PRDM16: variants seen among roughly 807,000 people sequenced by gnomAD.
PRDM16 encodes PR/SET domain 16, also known as histone-lysine N-methyltransferase PRDM16.
In PRDM16, 23 loss-of-function variants were observed where a neutral mutation model predicts 110.6. That is an observed-to-expected ratio of 0.21 (90% confidence interval 0.15 to 0.29). The LOEUF is 0.29. PRDM16 is among the 10% of genes least tolerant of loss of function. PRDM16 has a pLI of 1.00. For synonymous variants in PRDM16, 799 were observed against 781.8 expected (o/e 1.02, Z -0.37); for missense variants, 1,615 against 1,794.3 (o/e 0.90, Z 1.81).
intron 3 of PRDM16, among the ~76,000 whole-genome samples, chr1:3,253,449 A>T (rs1172044168): frequency 1.4e-5 from 2 of 147,960 alleles, no homozygotes; most frequent in Admixed American, 1.4e-4. Context: ...ATGAGTGAGA[A>T]CATGTGGTGT....
chr1:3,111,521 A>AGG (rs1642794187), intron 1 of PRDM16, among the ~76,000 whole-genome samples: 1 of 35,216 alleles, frequency 2.8e-5, no homozygotes, highest in African/African-American at 9.6e-5. Flanking sequence ...GAAGGAGGGG[A>AGG]AGGGGAGAGC....
intron 1 of PRDM16, among the ~76,000 whole-genome samples, chr1:3,085,647 C>T (rs546330007): frequency 3.3e-5 from 5 of 152,312 alleles, no homozygotes; most frequent in African/African-American, 9.6e-5. Context: ...TCATCAAGAA[C>T]GGGTGGTCCC....
intron 3 of PRDM16, among the ~76,000 whole-genome samples, chr1:3,374,898 C>T (rs1422768134): frequency 6.6e-6 from 1 of 152,172 alleles, no homozygotes; most frequent in Non-Finnish European, 1.5e-5. Flanking sequence ...AGCAGGCACC[C>T]AAGCCACCAG....
At chr1:3,420,997 A>C (rs977100293) in intron 12 of PRDM16, among the ~76,000 whole-genome samples, 4 of 152,104 alleles carry the variant, frequency 2.6e-5, no homozygotes, top group African/African-American at 9.7e-5. Flanking sequence ...GTGTGCTTCC[A>C]TCATCTCCCC....
rs1324442406 is a variant in PRDM16, at chr1:3,358,389, TG to T, written c.439-26759del. On this transcript the variant is annotated intron_variant, in intron 3 of 16. Transcript: ENST00000270722. This position sits in a 1 kb window ranked among gnomAD's most constrained non-coding sequence, Gnocchi z 4.0. ...AGACCTGGGCAGTGGGTGGCAGCCA[TG>T]GGGACTGATGGCAAAAGACCTCGGC... Among the ~76,000 whole-genome samples the T allele has an allele frequency of 6.6e-6, 1 of 152,146 alleles. No individual in the cohort carries two copies.
intron 1 of PRDM16, among the ~76,000 whole-genome samples, chr1:3,074,417 G>A (rs1290828925): frequency 6.6e-6 from 1 of 152,136 alleles, no homozygotes; most frequent in Non-Finnish European, 1.5e-5. Flanking sequence ...TTTTCTGTGT[G>A]TGTGTGTGTG....
chr1:3,261,933 C>T (rs1453413401), intron 3 of PRDM16, among the ~76,000 whole-genome samples: 7 of 152,216 alleles, frequency 4.6e-5, no homozygotes, highest in African/African-American at 1.4e-4. Context: ...GAGCTGTCAT[C>T]CTACCCCCCA....
intron 1 of PRDM16, among the ~76,000 whole-genome samples, chr1:3,150,467 A>G (rs896803762): frequency 6.6e-5 from 10 of 151,714 alleles, no homozygotes; most frequent in Non-Finnish European, 1.0e-4. Context: ...GTAAGGTGGG[A>G]GAATCACTCG....
chr1:3,100,731 T>C (rs567793007), intron 1 of PRDM16, among the ~76,000 whole-genome samples: 8 of 151,994 alleles, frequency 5.3e-5, no homozygotes, highest in Non-Finnish European at 1.2e-4. Flanking sequence ...ACACACGCCC[T>C]ATAGGGCTGG....
At chr1:3,228,008 C>T (rs1401286226) in intron 2 of PRDM16, among the ~76,000 whole-genome samples, 1 of 152,248 alleles carries the variant, frequency 6.6e-6, no homozygotes, top group African/African-American at 2.4e-5. Context: ...TTCACAGTCA[C>T]ATCCAAGTAA....
intron 2 of PRDM16, among the ~76,000 whole-genome samples, chr1:3,226,213 A>T (rs541096679): frequency 1.5e-4 from 23 of 152,348 alleles, no homozygotes; most frequent in Non-Finnish European, 3.2e-4. Context: ...GGCTGCTCAG[A>T]TTCATGAGGT....
At chr1:3,338,169 G>A (rs144554403) in intron 3 of PRDM16, among the ~76,000 whole-genome samples, 5 of 152,348 alleles carry the variant, frequency 3.3e-5, no homozygotes, top group Admixed American at 6.5e-5. Flanking sequence ...AGAAACAGGC[G>A]CAGCCGAATT....
chr1:3,242,866 AT>A (rs1343591493), intron 2 of PRDM16, among the ~76,000 whole-genome samples: 1 of 152,212 alleles, frequency 6.6e-6, no homozygotes, highest in African/African-American at 2.4e-5. Flanking sequence ...TTCTATTCTT[AT>A]GGAAACAACG....
At chr1:3,284,181 C>T (rs954277012) in intron 3 of PRDM16, among the ~76,000 whole-genome samples, 2 of 152,172 alleles carry the variant, frequency 1.3e-5, no homozygotes, top group Admixed American at 6.5e-5. Context: ...GGGGACATCT[C>T]GCCAAAGCAC....
At chr1:3,240,721 G>A (rs2455113) in intron 2 of PRDM16, among the ~76,000 whole-genome samples, 14,955 of 152,246 alleles carry the variant, frequency 0.098, 785 homozygotes, top group South Asian at 0.18. Flanking sequence ...GCCCCCCTGG[G>A]GCGGCGCCAG....
At chr1:3,217,631 G>T (rs1639059525) in intron 2 of PRDM16, among the ~76,000 whole-genome samples, 1 of 152,192 alleles carries the variant, frequency 6.6e-6, no homozygotes, top group African/African-American at 2.4e-5. Context: ...AGCCACTGTG[G>T]CTGAGTGCAC....
intron 1 of PRDM16, among the ~76,000 whole-genome samples, chr1:3,099,786 C>A (rs543870286): frequency 5.9e-5 from 9 of 152,324 alleles, no homozygotes; most frequent in Admixed American, 5.9e-4. Flanking sequence ...GAAAACACTC[C>A]CAGCGTCCCT....
chr1:3,186,910 G>A (rs570644362), intron 2 of PRDM16, among the ~76,000 whole-genome samples: 1 of 152,324 alleles, frequency 6.6e-6, no homozygotes, highest in East Asian at 1.9e-4. Flanking sequence ...TGCCCCGGCT[G>A]CCGTCTTCCC....
intron 3 of PRDM16, among the ~76,000 whole-genome samples, chr1:3,277,198 G>T (rs1481942929): frequency 6.6e-6 from 1 of 152,200 alleles, no homozygotes; most frequent in Non-Finnish European, 1.5e-5. Flanking sequence ...TGTGCTCAGG[G>T]CTGAGTGAGA....
Sources: gnomAD v4.1 joint callset for allele counts (sites outside exome capture counted in the v4.1 genomes callset) on GRCh38, gnomAD v4.1.1 for gene constraint, Gnocchi (gnomAD v3.1) non-coding constraint, MANE v1.5 for transcripts, NCBI Gene and HGNC (gene_info 2026-07-23, HGNC 2026-07-21) for gene names.